The following ZNF536 variants were observed in gnomAD, a reference collection of about 807,000 sequenced individuals.
ZNF536 encodes the protein zinc finger protein 536.
In ZNF536, 13 loss-of-function variants were observed where a neutral mutation model predicts 84.5. The observed-to-expected ratio is 0.15, with a 90% CI of 0.10 to 0.24. ZNF536 has a LOEUF of 0.24. Ranked by LOEUF, ZNF536 falls within the 10% of genes least tolerant of loss-of-function variation. The pLI is 1.00. For missense variants in ZNF536, 1,536 were observed against 1,747.5 expected (o/e 0.88, Z 2.16); for synonymous variants, 811 against 742.5 (o/e 1.09, Z -1.50).
At chr19:30,372,629 G>A (rs1428829378) in intron 1 of ZNF536, 73 bp downstream of exon 1, 1 of 152,036 alleles carries the variant, frequency 6.6e-6, no homozygotes, top group Non-Finnish European at 1.5e-5. Context: ...CCCCAGCATA[G>A]AACACCCACA....
chr19:30,596,759 A>AGTGT (rs113016309), intron 1 of ZNF536, among the ~76,000 whole-genome samples: 19 of 149,200 alleles, frequency 1.3e-4, no homozygotes, highest in African/African-American at 4.7e-4. Context: ...TTTTTTTGCG[A>AGTGT]GTGTGTGTGT....
At chr19:30,464,545 G>A (rs970241004) in intron 2 of ZNF536, among the ~76,000 whole-genome samples, 10 of 152,110 alleles carry the variant, frequency 6.6e-5, no homozygotes, top group Admixed American at 2.0e-4. Context: ...GAAAATCATG[G>A]GATCATGATT....
At chr19:30,701,554 CACAA>C (rs747369346) in intron 1 of ZNF536, among the ~76,000 whole-genome samples, 5 of 152,042 alleles carry the variant, frequency 3.3e-5, no homozygotes, top group African/African-American at 1.2e-4. Flanking sequence ...CAAACACACA[CACAA>C]ACACACACAC....
chr19:30,320,284 A>G (rs1266976720), intron 2 of ZNF536, among the ~76,000 whole-genome samples: 2 of 152,254 alleles, frequency 1.3e-5, no homozygotes, highest in African/African-American at 4.8e-5. Flanking sequence ...TAAATCGTAT[A>G]GAAATGTTAA....
rs186164784 is a variant in ZNF536, at chr19:30,432,068, G to C, written c.-2-11493G>C. Among the ~76,000 whole-genome samples, 198 of 151,518 alleles carry C rather than the reference G, an allele frequency of 1.3e-3. 2 individuals carry two copies. The highest frequency in any genetic ancestry group is 3.5e-4 in the Non-Finnish European group (24 of 67,968). ...ACAGAGAGAGAGAGTCAGAGAGAGA[G>C]AGAGTTCTTGTTGCTTTCCTTGGTG... On this transcript the variant is annotated intron_variant, in intron 1 of 4. Coordinates refer to ENST00000355537, the MANE Select transcript of ZNF536 (RefSeq NM_014717.3).
intron 1 of ZNF536, among the ~76,000 whole-genome samples, chr19:30,682,024 C>T (rs1472808220): frequency 6.6e-6 from 1 of 152,142 alleles, no homozygotes; most frequent in African/African-American, 2.4e-5. Context: ...AGGGCAGTCC[C>T]AGCTTAGCAG....
downstream of ZNF536, among the ~76,000 whole-genome samples, chr19:30,560,021 C>T (rs897689739): frequency 6.6e-6 from 1 of 152,054 alleles, no homozygotes; most frequent in Non-Finnish European, 1.5e-5. Flanking sequence ...GCACTCACGC[C>T]GTACACTCCC....
At chr19:30,537,828 G>C (rs2045152852) in intron 3 of ZNF536, among the ~76,000 whole-genome samples, 1 of 152,164 alleles carries the variant, frequency 6.6e-6, no homozygotes, top group African/African-American at 2.4e-5. Flanking sequence ...GAATCAGAGA[G>C]AAAATGAAAG....
At chr19:30,313,055 C>G (rs1463177290) in intron 2 of ZNF536, among the ~76,000 whole-genome samples, 1 of 152,236 alleles carries the variant, frequency 6.6e-6, no homozygotes, top group African/African-American at 2.4e-5. Flanking sequence ...AGCCTCAGAG[C>G]AGACATGCCA....
intron 2 of ZNF536, among the ~76,000 whole-genome samples, chr19:30,310,630 A>G (rs2046469794): frequency 6.6e-6 from 1 of 152,202 alleles, no homozygotes; most frequent in African/African-American, 2.4e-5. Flanking sequence ...AGGGGAGAGA[A>G]CTTGTTCCAG....
intron 1 of ZNF536, among the ~76,000 whole-genome samples, chr19:30,249,193 C>G (rs186744704): frequency 3.1e-4 from 47 of 152,292 alleles, no homozygotes; most frequent in African/African-American, 1.1e-3. Flanking sequence ...TACACAATCT[C>G]TCTTAAATTA....
chr19:30,496,765 C>T (rs1345685486), intron 2 of ZNF536, among the ~76,000 whole-genome samples: 2 of 151,422 alleles, frequency 1.3e-5, no homozygotes, highest in Admixed American at 6.6e-5. Flanking sequence ...AGTGATGGTC[C>T]GGGGTTGGCC....
At chr19:30,311,767 G>A (rs759375656) in intron 2 of ZNF536, among the ~76,000 whole-genome samples, 1 of 152,162 alleles carries the variant, frequency 6.6e-6, no homozygotes, top group Non-Finnish European at 1.5e-5. Flanking sequence ...GTAAATGCAA[G>A]TGGACTATTA....
At chr19:30,250,135 A>AT (rs2024523742) in intron 1 of ZNF536, among the ~76,000 whole-genome samples, 1 of 152,134 alleles carries the variant, frequency 6.6e-6, no homozygotes, top group Non-Finnish European at 1.5e-5. Context: ...TTCTTTGAAG[A>AT]TTACTTCTAA....
chr19:30,321,065 A>T (rs2046839855), intron 2 of ZNF536, among the ~76,000 whole-genome samples: 1 of 152,186 alleles, frequency 6.6e-6, no homozygotes, highest in Non-Finnish European at 1.5e-5. Context: ...GCCCCCTCGC[A>T]GGCTCTGGCT....
chr19:30,706,914 G>A (rs778421912), intron 1 of ZNF536, among the ~76,000 whole-genome samples: 9 of 152,110 alleles, frequency 5.9e-5, no homozygotes, highest in South Asian at 2.1e-4. Context: ...CCAAAGCCTC[G>A]AAACATTTCT....
Position 30,460,653 on chromosome 19 carries a change from T to C in ZNF536, c.2170+14921T>C, listed in dbSNP as rs536091204. On this transcript the variant is annotated intron_variant, in intron 2 of 4. Coordinates refer to ENST00000355537, the MANE Select transcript of ZNF536 (RefSeq NM_014717.3). ...TGGACACCAGCAAAGCCAAATGACA[T>C]ATCCTTCCATGTGGCCACTGTGTGT... Among the ~76,000 whole-genome samples, 12 of 152,298 alleles carry C rather than the reference T, an allele frequency of 7.9e-5. No individual in the cohort carries two copies. The South Asian group carries it at 8.3e-4, about 11-fold the overall frequency.
At chr19:30,324,786 A>C (rs1780647870) in intron 2 of ZNF536, among the ~76,000 whole-genome samples, 1 of 151,976 alleles carries the variant, frequency 6.6e-6, no homozygotes, top group Admixed American at 6.6e-5. Context: ...CCTCATCCCT[A>C]CCCCATGAAG....
chr19:30,512,545 C>T (rs2055457087), intron 2 of ZNF536, among the ~76,000 whole-genome samples: 1 of 151,394 alleles, frequency 6.6e-6, no homozygotes, highest in African/African-American at 2.4e-5. Flanking sequence ...TAAAAAAAAT[C>T]AAATATTTTC....
Sources: allele counts gnomAD v4.1 joint callset (sites outside exome capture counted in the v4.1 genomes callset), GRCh38; gene constraint gnomAD v4.1.1; transcripts MANE v1.5; gene names NCBI Gene and HGNC (gene_info 2026-07-23, HGNC 2026-07-21).